The following ATP6V0D1 variants were observed in gnomAD, a reference collection of about 807,000 sequenced individuals.
The protein encoded by ATP6V0D1 is ATPase H+ transporting V0 subunit d1, also known as V-type proton ATPase subunit d 1.
ATP6V0D1 carries 13 observed loss-of-function variants against 39.0 expected under a neutral mutation model. That is an observed-to-expected ratio of 0.33 (90% CI 0.22 to 0.53). The LOEUF (loss-of-function observed/expected upper bound fraction) is 0.53. ATP6V0D1 is among the 20% of genes least tolerant of loss of function. The pLI is 0.94. For missense variants in ATP6V0D1, 272 were observed against 470.9 expected, an observed-to-expected ratio of 0.58 and a Z score of 3.91; for synonymous variants, 191 against 191.2, an observed-to-expected ratio of 1.00 and a Z score of 0.01.
At position 67,438,839 on chromosome 16, in the gene ATP6V0D1, C is replaced by T; in HGVS notation, c.848G>A (p.Ser283Asn). ...EYKLLFEGAGSNPGDKTLEDR... is the reference protein window; with the variant it reads ...EYKLLFEGAGNNPGDKTLEDR... ...CTCCAGCGTCTTGTCTCCAGGGTTG[C>T]TACCTGCACCCTCGAAGAGCAGCTT... Residue 283 changes from serine to asparagine, a missense_variant, in exon 7 of 8, where the codon AGC (serine) becomes AAC (asparagine). Ser to Asn is a conservative substitution (Grantham distance 46). Around this residue, in one of 4 missense-constraint regions of ATP6V0D1, gnomAD observed 21 missense variants for 16.5 expected, o/e 1.27. Transcript: ENST00000290949. 1 of 1,613,486 alleles carries T rather than the reference C, an allele frequency of 6.2e-7. No individual in the cohort carries two copies. Among genetic ancestry groups the T allele is most frequent in the Non-Finnish European group, 8.5e-7 (1 of 1,179,940 alleles).
chr16:67,472,349 T>C (rs1339438110), intron 1 of ATP6V0D1, among the ~76,000 whole-genome samples: 1 of 152,154 alleles, frequency 6.6e-6, no homozygotes, highest in Non-Finnish European at 1.5e-5. Flanking sequence ...CCTTCTATTA[T>C]TGCCTTCTGC....
At chr16:67,466,414 T>G (rs2041331434) in intron 1 of ATP6V0D1, among the ~76,000 whole-genome samples, 1 of 149,314 alleles carries the variant, frequency 6.7e-6, no homozygotes, top group Non-Finnish European at 1.5e-5. Flanking sequence ...CCTGTAATCC[T>G]AGTACTCAGG....
chr16:67,459,001 C>A (rs2041267048), intron 1 of ATP6V0D1: 1 of 956,928 alleles, frequency 1.0e-6, no homozygotes, highest in Non-Finnish European at 1.2e-6. Flanking sequence ...GAATGGTTCG[C>A]TGTCACCTTC....
At chr16:67,477,639 T>G (rs1405567172) in intron 1 of ATP6V0D1, among the ~76,000 whole-genome samples, 1 of 152,192 alleles carries the variant, frequency 6.6e-6, no homozygotes, top group East Asian at 1.9e-4. Flanking sequence ...TTATTGCTTC[T>G]TATTTGTATA....
At chr16:67,464,451 AC>A (rs2142325421) in intron 1 of ATP6V0D1, among the ~76,000 whole-genome samples, 1 of 152,272 alleles carries the variant, frequency 6.6e-6, no homozygotes, top group South Asian at 2.1e-4. Flanking sequence ...GGATAACGGT[AC>A]CTCCAGGAGC....
intron 1 of ATP6V0D1, among the ~76,000 whole-genome samples, chr16:67,458,532 T>C (rs1381452657): frequency 6.6e-6 from 1 of 152,158 alleles, no homozygotes; most frequent in East Asian, 1.9e-4. Flanking sequence ...GCAAGCAGTG[T>C]TCTGGCTAGC....
At chr16:67,471,775 G>A (rs551847443) in intron 1 of ATP6V0D1, among the ~76,000 whole-genome samples, 46 of 151,654 alleles carry the variant, frequency 3.0e-4, no homozygotes, top group African/African-American at 9.9e-4. Flanking sequence ...AGGCCCAAGC[G>A]ACCTTCCCAC....
Position 67,453,801 on chromosome 16 carries a change from C to G in ATP6V0D1, c.131-86G>C. On this transcript the variant is annotated intron_variant, in intron 1 of 7. Transcript: ENST00000290949. This position sits in a 1 kb window ranked among gnomAD's most constrained non-coding sequence, Gnocchi z 4.1. ...TCCCCATCCCCACCCCAACTCAGCC[C>G]CAGCTCTCCCCTGCAGTTGTGTCCC... The G allele has an allele frequency of 7.6e-7, 1 of 1,317,836 alleles. No individual in the cohort carries two copies. The highest frequency in any genetic ancestry group is 1.8e-5 in the Admixed American group (1 of 55,216). 81.6% of individuals were successfully genotyped at this position (1,317,836 alleles called of 1,614,324 possible).
intron 1 of ATP6V0D1, chr16:67,458,947 A>G: frequency 1.4e-6 from 1 of 699,212 alleles, no homozygotes; most frequent in Non-Finnish European, 1.8e-6. Flanking sequence ...CCCTACTCCC[A>G]AGACCACTCT....
In ATP6V0D1 at chr16:67,446,051, G is replaced by A. The variant is rs1226306864; in HGVS notation, c.303-1345C>T. 1.4e-5 allele frequency: 6 copies of A among 434,744 alleles called. No individual in the cohort carries two copies. In the East Asian group the frequency reaches 4.2e-4, roughly 31 times the overall value. 26.9% of individuals were successfully genotyped at this position (434,744 alleles called of 1,614,324 possible). ...TGTCCTAGCTTCTGAGTGGGCCAGA[G>A]CTAGGCCCCTGCCCTGTGACAGGAC... On this transcript the variant is annotated intron_variant, in intron 2 of 7. Coordinates refer to ENST00000290949, the MANE Select transcript of ATP6V0D1 (RefSeq NM_004691.5).
chr16:67,470,277 T>C (rs1198394177), intron 1 of ATP6V0D1, among the ~76,000 whole-genome samples: 2 of 151,578 alleles, frequency 1.3e-5, no homozygotes, highest in Admixed American at 6.6e-5. Flanking sequence ...TGTATACCCC[T>C]TGGAGAGTCT....
At chr16:67,462,766 T>G (rs2041298584) in intron 1 of ATP6V0D1, among the ~76,000 whole-genome samples, 2 of 150,146 alleles carry the variant, frequency 1.3e-5, no homozygotes, top group African/African-American at 2.5e-5. Flanking sequence ...AGGTTGAGAC[T>G]GCAGTGAGCC....
At chr16:67,467,119 A>G (rs1329414343) in intron 1 of ATP6V0D1, among the ~76,000 whole-genome samples, 1 of 152,146 alleles carries the variant, frequency 6.6e-6, no homozygotes, top group Non-Finnish European at 1.5e-5. Flanking sequence ...GAAACAGGGA[A>G]ATCTATGATA....
chr16:67,438,056 G>C lies in ATP6V0D1; in HGVS notation c.*472C>G, dbSNP rs2040995447. ...AGGGCAGTTTTATTGTCTCAGAGGG[G>C]CAGGGCTGAGGGAGGGAGCTGAGGA... On this transcript the variant is annotated 3_prime_UTR_variant, in exon 8 of 8. Coordinates refer to ENST00000290949, the MANE Select transcript of ATP6V0D1 (RefSeq NM_004691.5). 5.7e-6 allele frequency: 1 copy of C among 176,392 alleles called. No homozygotes were observed. Among genetic ancestry groups the C allele is most frequent in the Non-Finnish European group, 1.2e-5 (1 of 82,198 alleles). The allele number at this position is 176,392 out of a possible 1,614,324, so 10.9% of individuals were successfully genotyped here.
chr16:67,439,706 A>G, intron 4 of ATP6V0D1: 1 of 291,134 alleles, frequency 3.4e-6, no homozygotes, highest in South Asian at 5.2e-5. Context: ...ATCTTTCCAA[A>G]CCTCCCCTTC....
intron 1 of ATP6V0D1, among the ~76,000 whole-genome samples, chr16:67,467,486 AGAGT>A (rs1309177616): frequency 6.6e-6 from 1 of 151,980 alleles, no homozygotes; most frequent in Non-Finnish European, 1.5e-5. Context: ...GCCTGGCAAC[AGAGT>A]GAGACTCTGT....
intron 4 of ATP6V0D1, 41 bp downstream of exon 4, chr16:67,443,058 C>T: frequency 3.7e-6 from 6 of 1,604,914 alleles, no homozygotes; most frequent in Non-Finnish European, 5.1e-6. Context: ...CAGCCCCACC[C>T]ACCGACAGGC....
intron 1 of ATP6V0D1, among the ~76,000 whole-genome samples, chr16:67,478,086 TAA>T (rs898500867): frequency 1.9e-4 from 29 of 152,218 alleles, no homozygotes; most frequent in Non-Finnish European, 3.5e-4. Flanking sequence ...GGTGCTGGGC[TAA>T]GTGTTTTACA....
intron 2 of ATP6V0D1, among the ~76,000 whole-genome samples, chr16:67,446,137 T>C (rs1348064549): frequency 1.3e-5 from 2 of 152,000 alleles, no homozygotes; most frequent in Non-Finnish European, 2.9e-5. Flanking sequence ...TCTTCCCCCA[T>C]ACTGAAGAAA....
Sources: gnomAD v4.1 joint callset for allele counts (sites outside exome capture counted in the v4.1 genomes callset) on GRCh38, gnomAD v4.1.1 for gene constraint, gnomAD v4.1.1 regional missense constraint, Gnocchi (gnomAD v3.1) non-coding constraint, MANE v1.5 for transcripts, NCBI Gene and HGNC (gene_info 2026-07-23, HGNC 2026-07-21) for gene names.